The following ADGRL3 variants were observed in gnomAD, a reference collection of about 807,000 sequenced individuals.
ADGRL3 encodes the protein adhesion G protein-coupled receptor L3, also known as calcium-independent alpha-latrotoxin receptor 3.
ADGRL3 carries 62 observed loss-of-function variants against 153.5 expected under a neutral mutation model. The ratio of observed to expected loss-of-function variants is 0.40; its 90% CI spans 0.33 to 0.50. The LOEUF (loss-of-function observed/expected upper bound fraction) is 0.50, where lower values mean the gene tolerates loss of function less well. Ranked by LOEUF, ADGRL3 falls within the 20% of genes least tolerant of loss-of-function variation. ADGRL3 has a pLI of 0.47. For synonymous variants in ADGRL3, 710 were observed against 672.5 expected, an observed-to-expected ratio of 1.06 and a Z score of -0.86; for missense variants, 1,641 against 1,859.4, an observed-to-expected ratio of 0.88 and a Z score of 2.16.
chr4:61,692,744 T>G (rs1485776765), intron 6 of ADGRL3, among the ~76,000 whole-genome samples: 1 of 152,180 alleles, frequency 6.6e-6, no homozygotes, highest in African/African-American at 2.4e-5. Flanking sequence ...GGTCGTTCTC[T>G]TCCTGTCTTA....
At chr4:61,930,934 A>G (rs1339046208) in intron 13 of ADGRL3, among the ~76,000 whole-genome samples, 2 of 152,198 alleles carry the variant, frequency 1.3e-5, no homozygotes, top group African/African-American at 2.4e-5. Flanking sequence ...ACCAGATGTC[A>G]TAGTGTGTGA....
chr4:61,906,424 T>TA (rs1293011257), intron 11 of ADGRL3: 1 of 152,122 alleles, frequency 6.6e-6, no homozygotes, highest in Admixed American at 6.6e-5. Context: ...AAAATTAATT[T>TA]AAAAAAATTC....
intron 1 of ADGRL3, among the ~76,000 whole-genome samples, chr4:61,365,479 G>A (rs143581043): frequency 6.6e-6 from 1 of 152,280 alleles, no homozygotes; most frequent in East Asian, 1.9e-4. Flanking sequence ...TGGAGGCAAG[G>A]GAAAGGTATC....
intron 1 of ADGRL3, among the ~76,000 whole-genome samples, chr4:61,326,324 A>G (rs73216320): frequency 0.02 from 3,011 of 152,174 alleles, 87 homozygotes; most frequent in African/African-American, 0.068. Context: ...GGAGACACAG[A>G]AGGAGATTCC....
intron 9 of ADGRL3, among the ~76,000 whole-genome samples, chr4:61,828,486 A>C (rs571521788): frequency 1.3e-5 from 2 of 152,310 alleles, no homozygotes; most frequent in East Asian, 3.9e-4. Flanking sequence ...TCCCCTGTTA[A>C]TACAGAAATT....
At chr4:61,558,745 C>A (rs183482802) in intron 4 of ADGRL3, among the ~76,000 whole-genome samples, 92 of 152,044 alleles carry the variant, frequency 6.1e-4, no homozygotes, top group African/African-American at 2.2e-3. Context: ...CCAGGAACAT[C>A]ATCGTTATTC....
intron 1 of ADGRL3, among the ~76,000 whole-genome samples, chr4:61,218,316 CTT>C (rs58537809): frequency 6.8e-5 from 10 of 148,058 alleles, no homozygotes; most frequent in Admixed American, 6.7e-5. Context: ...TTAAGTGCTT[CTT>C]TTTTTTTTTG....
intron 1 of ADGRL3, among the ~76,000 whole-genome samples, chr4:61,220,428 C>CTA (rs1744949760): frequency 6.6e-6 from 1 of 152,078 alleles, no homozygotes; most frequent in Non-Finnish European, 1.5e-5. Flanking sequence ...CTTTGGGTCA[C>CTA]TTCCTAAGTA....
chr4:61,606,803 G>T (rs2099034177), intron 5 of ADGRL3, among the ~76,000 whole-genome samples: 1 of 152,220 alleles, frequency 6.6e-6, no homozygotes, highest in East Asian at 1.9e-4. Context: ...GCATAATGAG[G>T]ATAGAATTAA....
At chr4:61,660,815 G>A (rs1438103804) in intron 5 of ADGRL3, among the ~76,000 whole-genome samples, 2 of 152,146 alleles carry the variant, frequency 1.3e-5, no homozygotes, top group Non-Finnish European at 2.9e-5. Context: ...TGTGTGGTTT[G>A]GATGTAGAAT....
intron 8 of ADGRL3, among the ~76,000 whole-genome samples, chr4:61,792,148 A>T (rs1173102795): frequency 2.0e-5 from 3 of 152,194 alleles, no homozygotes; most frequent in Admixed American, 6.5e-5. Context: ...ACAAACTTTT[A>T]TGCTCTGCTT....
intron 5 of ADGRL3, among the ~76,000 whole-genome samples, chr4:61,675,596 G>A (rs1476660160): frequency 6.6e-6 from 1 of 150,574 alleles, no homozygotes; most frequent in African/African-American, 2.4e-5. Flanking sequence ...TGCCACAAAA[G>A]TGCCCAAGTT....
At chr4:62,044,861 G>T (rs1036017045) in intron 25 of ADGRL3, among the ~76,000 whole-genome samples, 72 of 152,178 alleles carry the variant, frequency 4.7e-4, no homozygotes, top group African/African-American at 1.7e-3. Context: ...CAATTATGTG[G>T]CTGTATAGTC....
At chr4:61,340,021 G>A (rs780752259) in intron 1 of ADGRL3, among the ~76,000 whole-genome samples, 2 of 152,284 alleles carry the variant, frequency 1.3e-5, no homozygotes, top group Non-Finnish European at 2.9e-5. Flanking sequence ...GGCCCTGGCG[G>A]CTGTGTAAAG....
At chr4:61,843,536 A>T (rs1561342243) in intron 9 of ADGRL3, among the ~76,000 whole-genome samples, 2 of 152,304 alleles carry the variant, frequency 1.3e-5, no homozygotes, top group East Asian at 3.9e-4. Flanking sequence ...ATCACAAAGT[A>T]GACTCTATGA....
intron 2 of ADGRL3, among the ~76,000 whole-genome samples, chr4:61,465,454 T>A (rs932563799): frequency 4.6e-5 from 7 of 152,052 alleles, no homozygotes; most frequent in African/African-American, 1.7e-4. Context: ...GAATTATGTC[T>A]AAATATAATT....
chr4:61,300,419 G>A (rs1311311466), intron 1 of ADGRL3, among the ~76,000 whole-genome samples: 2 of 152,166 alleles, frequency 1.3e-5, no homozygotes, highest in Non-Finnish European at 1.5e-5. Context: ...TGCAGAGTGT[G>A]TAAATTACAT....
chr4:61,517,992 G>T (rs77656917), intron 4 of ADGRL3, among the ~76,000 whole-genome samples: 2,453 of 152,242 alleles, frequency 0.016, 20 homozygotes, highest in Non-Finnish European at 0.025. Flanking sequence ...TGGTAAAAAA[G>T]TTATAGTTAC....
At chr4:62,007,864 G>GGACTGT (rs1418596496) in intron 21 of ADGRL3, among the ~76,000 whole-genome samples, 1 of 152,030 alleles carries the variant, frequency 6.6e-6, no homozygotes, top group Non-Finnish European at 1.5e-5. Flanking sequence ...AGAGGACTAG[G>GGACTGT]GACTGTAACC....
Sources: allele counts gnomAD v4.1 joint callset (sites outside exome capture counted in the v4.1 genomes callset), GRCh38; gene constraint gnomAD v4.1.1; transcripts MANE v1.5; gene names NCBI Gene and HGNC (gene_info 2026-07-23, HGNC 2026-07-21).